The following HNF4G variants were observed in gnomAD, a reference collection of about 807,000 sequenced individuals.
HNF4G encodes hepatocyte nuclear factor 4 gamma.
In HNF4G, 21 loss-of-function variants were observed where a neutral mutation model predicts 50.9. That is an observed-to-expected ratio of 0.41 (90% CI 0.29 to 0.59). The LOEUF is 0.59. Among genes scored for constraint, HNF4G ranks in the 20% least tolerant of loss-of-function variants. The pLI is 0.26. For missense variants in HNF4G, 527 were observed against 559.4 expected, an observed-to-expected ratio of 0.94 and a Z score of 0.58; for synonymous variants, 198 against 185.6, an observed-to-expected ratio of 1.07 and a Z score of -0.54.
At chr8:75,557,569 T>C (rs1807169277) in intron 6 of HNF4G, among the ~76,000 whole-genome samples, 2 of 152,156 alleles carry the variant, frequency 1.3e-5, no homozygotes, top group Non-Finnish European at 2.9e-5. Flanking sequence ...TGCAGCAAGC[T>C]GAGATCGTGC....
In HNF4G at chr8:75,451,124, G is replaced by T. The variant is rs559661266; in HGVS notation, c.-143-38965G>T. Reference sequence around the variant, plus strand: ...TTTTCATATACTCCATTGGCCATGTGTATGCCTTTTTTTTTGAGAAATGTC... The same window carrying T: ...TTTTCATATACTCCATTGGCCATGTTTATGCCTTTTTTTTTGAGAAATGTC... On this transcript the variant is annotated intron_variant, in intron 1 of 10. Transcript: ENST00000354370. 1.1e-3 allele frequency among the ~76,000 whole-genome samples: 170 copies of T among 152,120 alleles called. 4 individuals carry two copies. The highest frequency in any genetic ancestry group is 4.7e-4 in the Non-Finnish European group (32 of 68,008).
intron 1 of HNF4G, among the ~76,000 whole-genome samples, chr8:75,482,227 A>G (rs1490229966): frequency 6.6e-6 from 1 of 152,222 alleles, no homozygotes; most frequent in African/African-American, 2.4e-5. Flanking sequence ...TAAGCAGCAG[A>G]AAGATTAGCT....
At chr8:75,469,868 TTTTTAACCAGGAG>T (rs1812072761) in intron 1 of HNF4G, among the ~76,000 whole-genome samples, 1 of 152,152 alleles carries the variant, frequency 6.6e-6, no homozygotes, top group Non-Finnish European at 1.5e-5. Context: ...AGTGTTTTCA[TTTTTAACCAGGAG>T]TTTTACTTCA....
chr8:75,419,898 T>C lies in HNF4G; in HGVS notation c.-144+11736T>C, dbSNP rs1810738312. Among the ~76,000 whole-genome samples the C allele has an allele frequency of 4.6e-5, 7 of 152,354 alleles. No individual in the cohort carries two copies. The South Asian group carries it at 1.4e-3, about 32-fold the overall frequency. ...TGTGCTTTAGTTTGCACATCTCTAA[T>C]ATGGGATACTACCACTTAACTTTCA... On this transcript the variant is annotated intron_variant, in intron 1 of 10. Coordinates refer to the HNF4G transcript ENST00000354370.
At chr8:75,442,279 G>A (rs968142235) in intron 1 of HNF4G, among the ~76,000 whole-genome samples, 12 of 151,996 alleles carry the variant, frequency 7.9e-5, no homozygotes, top group African/African-American at 2.4e-4. Flanking sequence ...CCTGGGTATC[G>A]GGTATATGGA....
At position 75,444,408 on chromosome 8, in the gene HNF4G, G is replaced by A. The variant is rs1322390778; in HGVS notation, c.-144+36246G>A. 2.7e-5 allele frequency among the ~76,000 whole-genome samples: 4 copies of A among 150,300 alleles called. No individual in the cohort carries two copies. In the East Asian group the frequency reaches 7.8e-4, roughly 29 times the overall value. The stretch of plus-strand genomic sequence containing the variant: ...TAACCAGCTAACATCATAATGACAG[G>A]ATCAAATTCACACATAACAATATTA... On this transcript the variant is annotated intron_variant, in intron 1 of 10. Transcript: ENST00000354370.
At chr8:75,557,942 G>A (rs562591777) in intron 6 of HNF4G, among the ~76,000 whole-genome samples, 3 of 152,166 alleles carry the variant, frequency 2.0e-5, no homozygotes, top group Admixed American at 2.0e-4. Context: ...CTTAAAGTCA[G>A]CCTTATAAAG....
At chr8:75,533,175 T>C (rs1806374342) in intron 2 of HNF4G, among the ~76,000 whole-genome samples, 1 of 152,054 alleles carries the variant, frequency 6.6e-6, no homozygotes, top group African/African-American at 2.4e-5. Context: ...TAAGTATTTG[T>C]GGAGCATTTC....
In HNF4G at chr8:75,564,057, C is replaced by G; in HGVS notation, c.1329C>G (p.Val443=). ...QYKIAANQAS[V]ISHQHLSKQK... ...AAATAGCTGCAAACCAAGCATCAGT[C>G]ATTTCACACCAGCATCTCTCCAAAC... Residue 443 remains valine, a synonymous_variant, in exon 10 of 10, where the codon GTC becomes GTG. Transcript: ENST00000396423. 6.2e-7 allele frequency: 1 copy of G among 1,613,534 alleles called. No individual in the cohort carries two copies. The highest frequency in any genetic ancestry group is 8.5e-7 in the Non-Finnish European group (1 of 1,179,576).
intron 1 of HNF4G, among the ~76,000 whole-genome samples, chr8:75,467,311 G>A (rs1191445039): frequency 6.6e-6 from 1 of 152,056 alleles, no homozygotes; most frequent in Non-Finnish European, 1.5e-5. Context: ...CATTTCACTG[G>A]AATGGCCACA....
At chr8:75,417,460 G>C (rs916019590) in intron 1 of HNF4G, among the ~76,000 whole-genome samples, 5 of 152,206 alleles carry the variant, frequency 3.3e-5, no homozygotes, top group African/African-American at 1.2e-4. Flanking sequence ...TGAATACCCA[G>C]TGAGACTAAA....
intron 1 of HNF4G, among the ~76,000 whole-genome samples, chr8:75,436,460 C>T (rs1406334835): frequency 2.6e-5 from 4 of 152,134 alleles, no homozygotes; most frequent in Admixed American, 2.0e-4. Context: ...ACAGAATGCT[C>T]GGCCCATAAA....
In HNF4G at chr8:75,564,200, A is replaced by G. The variant is rs543456267; in HGVS notation, c.*104A>G. On this transcript the variant is annotated 3_prime_UTR_variant, in exon 10 of 10. Transcript: ENST00000396423. ...GCAAACTCTTAGCCAAGGCTTCTTC[A>G]TTGGTGCTGTTATAAGATGGTGTCC... is the stretch of plus-strand genomic sequence containing the variant. The G allele has an allele frequency of 1.0e-5, 12 of 1,163,956 alleles. No homozygotes were observed. The Admixed American group carries it at 1.4e-4, about 13-fold the overall frequency. 72.1% of individuals were successfully genotyped at this position (1,163,956 alleles called of 1,614,324 possible).
At chr8:75,468,212 T>C (rs1360821093) in intron 1 of HNF4G, among the ~76,000 whole-genome samples, 1 of 152,192 alleles carries the variant, frequency 6.6e-6, no homozygotes, top group Non-Finnish European at 1.5e-5. Flanking sequence ...CTCTTTTCAG[T>C]CCTTTTCATT....
intron 7 of HNF4G, 59 bp downstream of exon 7, chr8:75,558,729 T>C: frequency 1.3e-6 from 2 of 1,581,342 alleles, no homozygotes; most frequent in South Asian, 1.1e-5. Flanking sequence ...TACTTTTCAA[T>C]ATTAGAATAT....
At chr8:75,546,742 T>A (rs1301971689) in intron 2 of HNF4G, among the ~76,000 whole-genome samples, 1 of 152,184 alleles carries the variant, frequency 6.6e-6, no homozygotes, top group Non-Finnish European at 1.5e-5. Flanking sequence ...CACTGTGCAG[T>A]CATGCCACAT....
intron 1 of HNF4G, among the ~76,000 whole-genome samples, chr8:75,462,832 T>C (rs913640955): frequency 6.6e-6 from 1 of 152,118 alleles, no homozygotes. Context: ...ATAAGGAATG[T>C]TGTTCCTTCT....
intron 1 of HNF4G, among the ~76,000 whole-genome samples, chr8:75,423,547 C>A (rs964304229): frequency 6.6e-6 from 1 of 151,520 alleles, no homozygotes; most frequent in Non-Finnish European, 1.5e-5. Context: ...CGCCACTACG[C>A]CTGGCTAATT....
At chr8:75,544,865 T>G (rs1585941818) in intron 2 of HNF4G, among the ~76,000 whole-genome samples, 1 of 152,154 alleles carries the variant, frequency 6.6e-6, no homozygotes, top group East Asian at 1.9e-4. Flanking sequence ...AAGAACAGAT[T>G]GGACATTTGG....
Sources: allele counts gnomAD v4.1 joint callset (sites outside exome capture counted in the v4.1 genomes callset), GRCh38; gene constraint gnomAD v4.1.1; transcripts MANE v1.5; gene names NCBI Gene and HGNC (gene_info 2026-07-23, HGNC 2026-07-21).